The following EBF1 variants were observed in gnomAD, a reference collection of about 807,000 sequenced individuals.
EBF1 encodes EBF transcription factor 1, also known as transcription factor COE1.
Under a neutral mutation model 68.4 loss-of-function variants are expected in EBF1, and 10 were observed. The observed-to-expected ratio is 0.15, with a 90% CI of 0.09 to 0.25. The LOEUF (loss-of-function observed/expected upper bound fraction) is 0.25. EBF1 is among the 10% of genes least tolerant of loss of function. The probability of loss-of-function intolerance (pLI) is 1.00; values close to 1 mark genes in which losing one functional copy is unlikely to be tolerated. For missense variants in EBF1, 509 were observed against 794.4 expected (o/e 0.64, Z 4.32); for synonymous variants, 298 against 299.8 (o/e 0.99, Z 0.06).
chr5:158,774,533 C>A (rs1774645550), intron 10 of EBF1, among the ~76,000 whole-genome samples: 1 of 151,990 alleles, frequency 6.6e-6, no homozygotes, highest in Non-Finnish European at 1.5e-5. Context: ...GGTTAGCTCA[C>A]CCAATCCAGA....
At chr5:158,929,606 G>A (rs971313009) in intron 6 of EBF1, among the ~76,000 whole-genome samples, 1 of 152,168 alleles carries the variant, frequency 6.6e-6, no homozygotes, top group Non-Finnish European at 1.5e-5. Flanking sequence ...TGCCTAATTA[G>A]CAAATTATGT....
chr5:158,706,177 G>A (rs1757815243), intron 15 of EBF1, among the ~76,000 whole-genome samples: 1 of 151,116 alleles, frequency 6.6e-6, no homozygotes, highest in Non-Finnish European at 1.5e-5. Flanking sequence ...CTGAAATGCA[G>A]TTGCACAGGC....
chr5:158,856,705 C>A (rs1794086147), intron 6 of EBF1, among the ~76,000 whole-genome samples: 2 of 152,216 alleles, frequency 1.3e-5, no homozygotes, highest in Non-Finnish European at 2.9e-5. Context: ...ATTCCTGTCC[C>A]AGGGCACCAG....
chr5:158,854,669 T>A (rs1319828945), intron 6 of EBF1, among the ~76,000 whole-genome samples: 2 of 152,244 alleles, frequency 1.3e-5, no homozygotes, highest in African/African-American at 4.8e-5. Flanking sequence ...ACTGACTCGG[T>A]GCCTTCCTCC....
intron 10 of EBF1, among the ~76,000 whole-genome samples, chr5:158,767,658 G>A (rs1773030240): frequency 6.6e-6 from 1 of 152,036 alleles, no homozygotes; most frequent in African/African-American, 2.4e-5. Context: ...TTTAGTAATT[G>A]TAGAGAACAA....
chr5:158,969,903 AGAAAGAAAG>A (rs1561663455), intron 6 of EBF1, among the ~76,000 whole-genome samples: 5 of 118,406 alleles, frequency 4.2e-5, no homozygotes, highest in Admixed American at 8.9e-5. Flanking sequence ...AAAGAAAGAA[AGAAAGAAAG>A]AAAGAAAAAA....
chr5:158,805,838 C>T (rs945748276), intron 8 of EBF1, among the ~76,000 whole-genome samples: 11 of 151,762 alleles, frequency 7.2e-5, no homozygotes, highest in Non-Finnish European at 1.6e-4. Context: ...AAGATAGTCA[C>T]ATGTGTTTTC....
At chr5:158,889,309 G>A (rs1031410802) in intron 6 of EBF1, among the ~76,000 whole-genome samples, 3 of 152,178 alleles carry the variant, frequency 2.0e-5, no homozygotes, top group Non-Finnish European at 4.4e-5. Context: ...TGGCAAGAAG[G>A]ACCCTGGAAA....
intron 10 of EBF1, among the ~76,000 whole-genome samples, chr5:158,737,447 C>A (rs1259703186): frequency 6.6e-6 from 1 of 151,682 alleles, no homozygotes; most frequent in Non-Finnish European, 1.5e-5. Flanking sequence ...CCACGCCCAG[C>A]TAATTTTTTT....
Position 159,043,673 on chromosome 5 carries a change from A to G in EBF1, c.554+29723T>C, listed in dbSNP as rs1337682478. ...AAGATAAAAATAAACAGCTGGAAAT[A>G]GCTTGCAATAAAAGAGAGAGAGACC... On this transcript the variant is annotated intron_variant, in intron 6 of 15. Coordinates refer to ENST00000313708, the MANE Select transcript of EBF1 (RefSeq NM_024007.5). Among the ~76,000 whole-genome samples, 5 of 152,240 alleles carry G rather than the reference A, an allele frequency of 3.3e-5. No individual in the cohort carries two copies. In the East Asian group the frequency reaches 9.6e-4, roughly 29 times the overall value.
At chr5:159,075,772 C>A (rs1778667020) in intron 5 of EBF1, among the ~76,000 whole-genome samples, 1 of 152,186 alleles carries the variant, frequency 6.6e-6, no homozygotes, top group Non-Finnish European at 1.5e-5. Context: ...TGACATGATA[C>A]CAGACCACCT....
chr5:158,695,988 CAA>C lies in EBF1; in HGVS notation c.*3121_*3122del, dbSNP rs58435135. Reference sequence around the variant, plus strand: ...AAAGTTTTTACAGCTTGAATTTTTGCAAAAAAAAAAAAAAAATTTAACAATCT... The same window carrying C: ...AAAGTTTTTACAGCTTGAATTTTTGCAAAAAAAAAAAAAATTTAACAATCT... On this transcript the variant is annotated 3_prime_UTR_variant, in exon 16 of 16. Transcript: ENST00000313708. The C allele has an allele frequency of 9.5e-3, 1,423 of 150,550 alleles. 13 individuals are homozygous for C. Among genetic ancestry groups the C allele is most frequent in the African/African-American group, 0.03 (1,120 of 36,980 alleles). The allele number at this position is 150,550 out of a possible 1,614,324, so 9.3% of individuals were successfully genotyped here. A position where few individuals can be genotyped will look rare whatever the true frequency, so the allele number is the denominator to read the frequency against.
chr5:158,972,347 T>C (rs1755821027), intron 6 of EBF1, among the ~76,000 whole-genome samples: 1 of 152,186 alleles, frequency 6.6e-6, no homozygotes, highest in African/African-American at 2.4e-5. Context: ...CACATAAACA[T>C]AGATGGTTTC....
intron 6 of EBF1, among the ~76,000 whole-genome samples, chr5:158,891,993 T>C (rs1490967580): frequency 6.6e-6 from 1 of 152,228 alleles, no homozygotes; most frequent in African/African-American, 2.4e-5. Context: ...ATAGCCTTTA[T>C]GGATTTCATC....
At chr5:159,084,405 T>G (rs1456709809) in intron 5 of EBF1, among the ~76,000 whole-genome samples, 1 of 152,140 alleles carries the variant, frequency 6.6e-6, no homozygotes, top group African/African-American at 2.4e-5. Context: ...GGGAAGGCAG[T>G]GCTTTGTGCC....
At chr5:158,875,855 A>G (rs1451117915) in intron 6 of EBF1, among the ~76,000 whole-genome samples, 2 of 152,212 alleles carry the variant, frequency 1.3e-5, no homozygotes, top group Non-Finnish European at 2.9e-5. Context: ...CCTAAAGTCA[A>G]TTTTAGCATA....
intron 6 of EBF1, among the ~76,000 whole-genome samples, chr5:158,924,892 G>A (rs970002156): frequency 1.4e-5 from 2 of 144,124 alleles, no homozygotes; most frequent in Non-Finnish European, 3.0e-5. Flanking sequence ...ACTGAATCAC[G>A]TGCCCATCCT....
At chr5:159,038,195 C>G (rs1278949167) in intron 6 of EBF1, among the ~76,000 whole-genome samples, 1 of 152,152 alleles carries the variant, frequency 6.6e-6, no homozygotes, top group African/African-American at 2.4e-5. Context: ...CCATGACAGA[C>G]AGCAAAGCAA....
At position 158,786,521 on chromosome 5, in the gene EBF1, G is replaced by GAAA. The variant is rs1235027105; in HGVS notation, c.910-8985_910-8983dup. 8.5e-5 allele frequency among the ~76,000 whole-genome samples: 13 copies of GAAA among 152,254 alleles called. No homozygotes were observed. In the East Asian group the frequency reaches 2.5e-3, roughly 29 times the overall value. On this transcript the variant is annotated intron_variant, in intron 9 of 15. Coordinates refer to ENST00000313708, the MANE Select transcript of EBF1 (RefSeq NM_024007.5). Reference sequence around the variant, plus strand: ...TCCCATCCTGACCATCTGGGAGCTGGAAAAGCAAGGGTGAGTTCCTGAGGC... The same window carrying GAAA: ...TCCCATCCTGACCATCTGGGAGCTGGAAAAAAAGCAAGGGTGAGTTCCTGAGGC...
Sources: gnomAD v4.1 joint callset for allele counts (sites outside exome capture counted in the v4.1 genomes callset) on GRCh38, gnomAD v4.1.1 for gene constraint, MANE v1.5 for transcripts, NCBI Gene and HGNC (gene_info 2026-07-23, HGNC 2026-07-21) for gene names.